ATAD2: variants seen among roughly 807,000 people sequenced by gnomAD.
ATAD2 encodes ATPase family AAA domain-containing protein 2.
In ATAD2, 62 loss-of-function variants were observed where a neutral mutation model predicts 168.9. The observed-to-expected ratio is 0.37, with a 90% CI of 0.30 to 0.45. The LOEUF is 0.45. Among genes scored for constraint, ATAD2 ranks in the 20% least tolerant of loss-of-function variants. ATAD2 has a pLI of 1.00. For missense variants in ATAD2, 1,419 were observed against 1,667.8 expected (o/e 0.85, Z 2.60); for synonymous variants, 613 against 571.6 (o/e 1.07, Z -1.03).
At chr8:123,407,205 G>C (rs1813079511) in intron 1 of ATAD2, among the ~76,000 whole-genome samples, 1 of 152,176 alleles carries the variant, frequency 6.6e-6, no homozygotes, top group African/African-American at 2.4e-5. Flanking sequence ...GAATCAACCT[G>C]GCTGACGCTT....
intron 22 of ATAD2, among the ~76,000 whole-genome samples, 191 bp from the exon 23 acceptor site, chr8:123,334,513 A>G (rs1827860883): frequency 6.6e-6 from 1 of 152,206 alleles, no homozygotes; most frequent in Non-Finnish European, 1.5e-5. Context: ...ATCTGATTCA[A>G]TATGGCAAAC....
At chr8:123,401,036 C>G, upstream of ATAD2, 7 of 1,568,230 alleles carry the variant, frequency 4.5e-6, no homozygotes, top group Non-Finnish European at 6.1e-6. Flanking sequence ...GGCAGCAAGC[C>G]GGTGGGCATC....
intron 19 of ATAD2, among the ~76,000 whole-genome samples, chr8:123,342,089 AAAAT>A (rs760102771): frequency 3.3e-5 from 5 of 152,208 alleles, no homozygotes; most frequent in African/African-American, 9.7e-5. Context: ...TCCGTCTCCA[AAAAT>A]AAATAAATAA....
At chr8:123,357,463 T>A (rs979743143) in intron 12 of ATAD2, 99 bp downstream of exon 12, 4 of 1,160,964 alleles carry the variant, frequency 3.4e-6, no homozygotes, top group Admixed American at 3.3e-5. Flanking sequence ...TCTTCTGGGT[T>A]TATTTAGAAC....
In ATAD2 at chr8:123,320,905, A is replaced by G. The variant is rs558989342; in HGVS notation, c.*229T>C. ...TGGCCAAACTTCAACTATTATTACTATTACTACAGGGTCTTGTTCTAGCAA... is the reference window on the plus strand; with the variant it reads ...TGGCCAAACTTCAACTATTATTACTGTTACTACAGGGTCTTGTTCTAGCAA... On this transcript the variant is annotated 3_prime_UTR_variant, in exon 28 of 28. Coordinates refer to ENST00000287394, the MANE Select transcript of ATAD2 (RefSeq NM_014109.4). 3.9e-5 allele frequency: 17 copies of G among 431,384 alleles called. No individual in the cohort carries two copies. The highest frequency in any genetic ancestry group is 3.5e-4 in the African/African-American group (17 of 48,306). 26.7% of individuals were successfully genotyped at this position (431,384 alleles called of 1,614,324 possible).
At chr8:123,396,728 A>C (rs1410744049), upstream of ATAD2, among the ~76,000 whole-genome samples, 1 of 151,986 alleles carries the variant, frequency 6.6e-6, no homozygotes, top group Non-Finnish European at 1.5e-5. Flanking sequence ...GCCCGTTTGG[A>C]ATTTTGGCGC....
intron 12 of ATAD2, among the ~76,000 whole-genome samples, chr8:123,357,085 T>C (rs1828672529): frequency 6.6e-6 from 1 of 152,146 alleles, no homozygotes; most frequent in Non-Finnish European, 1.5e-5. Context: ...TTTATCCATT[T>C]CCATAAACAT....
In ATAD2 at chr8:123,344,919, T is replaced by C. The variant is rs1828188934; in HGVS notation, c.2683A>G (p.Thr895Ala). The change falls in exon 19 of 28, where the codon ACT becomes GCT. Residue 895 changes from threonine (T) to alanine (A), a missense_variant. Around this residue, in one of 5 missense-constraint regions of ATAD2, gnomAD observed 545 missense variants for 724.9 expected, o/e 0.75. Coordinates refer to ENST00000287394, the MANE Select transcript of ATAD2 (RefSeq NM_014109.4). ...AAAGCGGAATGGGGTTTGTCAGAAGTTGCAAGTAGTAAAACTGGAGCAAAT... is the reference window on the plus strand; with the variant it reads ...AAAGCGGAATGGGGTTTGTCAGAAGCTGCAAGTAGTAAAACTGGAGCAAAT... ...PSFAPVLLLA[T>A]SDKPHSALPE... The C allele has an allele frequency of 6.2e-7, 1 of 1,613,992 alleles. No homozygotes were observed.
At chr8:123,405,024 C>T (rs1020665084) in intron 1 of ATAD2, among the ~76,000 whole-genome samples, 1 of 152,138 alleles carries the variant, frequency 6.6e-6, no homozygotes, top group Admixed American at 6.5e-5. Flanking sequence ...TAACCCACTA[C>T]CCTAGGGGCT....
At position 123,389,430 on chromosome 8, in the gene ATAD2, G is replaced by T. The variant is rs1586904381; in HGVS notation, c.171+6757C>A. 1.3e-4 allele frequency among the ~76,000 whole-genome samples: 20 copies of T among 149,968 alleles called. No individual in the cohort carries two copies. The South Asian group carries it at 4.1e-3, about 30-fold the overall frequency. The stretch of plus-strand genomic sequence containing the variant: ...CAAGGCGGGCGGATCACGAAGTCGG[G>T]AGATTGAGACCATCCTGGCTATCAC... On this transcript the variant is annotated intron_variant, in intron 1 of 27. Coordinates refer to ENST00000287394, the MANE Select transcript of ATAD2 (RefSeq NM_014109.4).
chr8:123,378,760 C>T (rs1829402395), intron 2 of ATAD2, among the ~76,000 whole-genome samples: 1 of 144,482 alleles, frequency 6.9e-6, no homozygotes, highest in Non-Finnish European at 1.5e-5. Context: ...GGATTTCAGT[C>T]TTCTAAGTCA....
upstream of ATAD2, among the ~76,000 whole-genome samples, chr8:123,398,480 C>T (rs1342058896): frequency 6.6e-6 from 1 of 152,016 alleles, no homozygotes; most frequent in Non-Finnish European, 1.5e-5. Flanking sequence ...ATCCACCTGC[C>T]TTGGCCTCCC....
At position 123,369,936 on chromosome 8, in the gene ATAD2, A is replaced by ATCATCG. The variant is rs1554645754; in HGVS notation, c.815_816insCGATGA (p.Asp276_Asp277dup). ...CATCATCTTCATCATCATCATCATCATCATCATCGTCATCATCATCATCAT... is the reference window on the plus strand; with the variant it reads ...CATCATCTTCATCATCATCATCATCATCATCGTCATCATCGTCATCATCATCATCAT... On this transcript the variant is annotated inframe_insertion, in exon 7 of 28. Coordinates refer to ENST00000287394, the MANE Select transcript of ATAD2 (RefSeq NM_014109.4). 23 of 1,576,308 alleles carry ATCATCG rather than the reference A, an allele frequency of 1.5e-5. 1 individual carries two copies. The African/African-American group carries it at 2.7e-4, about 19-fold the overall frequency.
chr8:123,401,428 T>C (rs568521926), upstream of ATAD2: 17 of 1,396,492 alleles, frequency 1.2e-5, no homozygotes, highest in South Asian at 1.9e-4. Context: ...TCAACTGCCA[T>C]GGTGTATTAC....
chr8:123,324,194 A>C (rs1827546865), intron 26 of ATAD2, among the ~76,000 whole-genome samples: 1 of 152,240 alleles, frequency 6.6e-6, no homozygotes, highest in Non-Finnish European at 1.5e-5. Context: ...TTCTCTAAGA[A>C]GTGTAGACAT....
intron 22 of ATAD2, among the ~76,000 whole-genome samples, chr8:123,335,989 TG>T (rs1368842863): frequency 6.6e-6 from 1 of 152,220 alleles, no homozygotes; most frequent in East Asian, 1.9e-4. Context: ...AAAATTATAA[TG>T]GTCTTAACTA....
intron 1 of ATAD2, among the ~76,000 whole-genome samples, chr8:123,384,109 A>T (rs1372018481): frequency 6.6e-6 from 1 of 151,970 alleles, no homozygotes; most frequent in East Asian, 1.9e-4. Context: ...GAAAGAAAAA[A>T]ACTGAATGAC....
chr8:123,373,276 A>C (rs1013352024), intron 2 of ATAD2, among the ~76,000 whole-genome samples: 1 of 151,808 alleles, frequency 6.6e-6, no homozygotes, highest in Admixed American at 6.6e-5. Flanking sequence ...CCTGGCCTCA[A>C]GCAGTTCTCC....
At chr8:123,368,670 T>C (rs1829050501) in intron 8 of ATAD2, among the ~76,000 whole-genome samples, 1 of 152,120 alleles carries the variant, frequency 6.6e-6, no homozygotes, top group South Asian at 2.1e-4. Flanking sequence ...GGTAGGAAAA[T>C]GCATCTGTGA....
Sources: gnomAD v4.1 joint callset for allele counts (sites outside exome capture counted in the v4.1 genomes callset) on GRCh38, gnomAD v4.1.1 for gene constraint, gnomAD v4.1.1 regional missense constraint, MANE v1.5 for transcripts, NCBI Gene and HGNC (gene_info 2026-07-23, HGNC 2026-07-21) for gene names.